SAMD12: variants seen among roughly 807,000 people sequenced by gnomAD.
SAMD12 encodes the protein sterile alpha motif domain-containing protein 12.
In SAMD12, 9 loss-of-function variants were observed where a neutral mutation model predicts 15.0. The ratio of observed to expected loss-of-function variants is 0.60; its 90% CI spans 0.36 to 1.05. The LOEUF (loss-of-function observed/expected upper bound fraction) is 1.05, where lower values mean the gene tolerates loss of function less well. Ranked by LOEUF, SAMD12 falls within the 50% of genes least tolerant of loss-of-function variation. The pLI is 0.01. For synonymous variants in SAMD12, 86 were observed against 90.1 expected (o/e 0.96, Z 0.25); for missense variants, 230 against 234.2 (o/e 0.98, Z 0.12).
chr8:118,209,185 C>A (rs1819949570), intron 4 of SAMD12, among the ~76,000 whole-genome samples: 1 of 151,996 alleles, frequency 6.6e-6, no homozygotes, highest in Admixed American at 6.6e-5. Context: ...GTCTGGAACA[C>A]AGAGGGAAAT....
intron 4 of SAMD12, among the ~76,000 whole-genome samples, chr8:118,344,870 G>A (rs1233444442): frequency 6.6e-6 from 1 of 152,124 alleles, no homozygotes. Context: ...AGATTATGAT[G>A]GAGCTGAAAT....
At chr8:118,523,243 T>A (rs1035360348) in intron 2 of SAMD12, among the ~76,000 whole-genome samples, 1 of 152,144 alleles carries the variant, frequency 6.6e-6, no homozygotes. Context: ...GGGCACTCCC[T>A]CAACCTCTTG....
At chr8:118,396,951 G>T (rs1286973377) in intron 3 of SAMD12, among the ~76,000 whole-genome samples, 1 of 152,150 alleles carries the variant, frequency 6.6e-6, no homozygotes, top group Non-Finnish European at 1.5e-5. Flanking sequence ...GACAGAAGTT[G>T]CCAAGGGTGA....
intron 2 of SAMD12, among the ~76,000 whole-genome samples, chr8:118,445,719 C>T (rs1822892819): frequency 6.6e-6 from 1 of 152,160 alleles, no homozygotes; most frequent in Non-Finnish European, 1.5e-5. Context: ...TCTTTAACCA[C>T]TGCTTTAATA....
chr8:118,164,797 C>T, the SAMD12 span, among the ~76,000 whole-genome samples: 2 of 150,730 alleles, frequency 1.3e-5, no homozygotes, highest in African/African-American at 2.4e-5. Flanking sequence ...ATATTAGAAC[C>T]GTTGTCTCTC....
At chr8:118,394,104 A>AC (rs1563824568) in intron 3 of SAMD12, among the ~76,000 whole-genome samples, 1 of 152,264 alleles carries the variant, frequency 6.6e-6, no homozygotes, top group African/African-American at 2.4e-5. Context: ...GACAATACAA[A>AC]CACACATCTA....
At chr8:118,427,941 A>G (rs943594244) in intron 3 of SAMD12, among the ~76,000 whole-genome samples, 2 of 152,188 alleles carry the variant, frequency 1.3e-5, no homozygotes, top group African/African-American at 4.8e-5. Context: ...AACACTGGGT[A>G]TGGCTTGGTA....
Position 118,230,186 on chromosome 8 carries a change from C to T in SAMD12, c.434-32454G>A, listed in dbSNP as rs190211747. On this transcript the variant is annotated intron_variant, in intron 4 of 4. Coordinates refer to the SAMD12 transcript ENST00000409003. ...GCTGTGGGCCAGGCACCATGCTAAGCGTTTCACTTGAAATTCTCCTCCAGT... is the reference window on the plus strand; with the variant it reads ...GCTGTGGGCCAGGCACCATGCTAAGTGTTTCACTTGAAATTCTCCTCCAGT... 1.7e-4 allele frequency among the ~76,000 whole-genome samples: 26 copies of T among 152,188 alleles called. No individual in the cohort carries two copies. The East Asian group carries it at 4.6e-3, about 27-fold the overall frequency.
intron 4 of SAMD12, among the ~76,000 whole-genome samples, chr8:118,240,205 T>C (rs955896179): frequency 6.6e-6 from 1 of 152,136 alleles, no homozygotes; most frequent in Non-Finnish European, 1.5e-5. Flanking sequence ...GCAAATATTC[T>C]AGCTCTGGTG....
the SAMD12 span, among the ~76,000 whole-genome samples, chr8:118,147,031 CT>C: frequency 4.7e-5 from 7 of 149,184 alleles, no homozygotes; most frequent in East Asian, 3.9e-4. Context: ...GAGGCAGGAA[CT>C]TTTTTTTTTT....
chr8:118,475,306 G>A lies in SAMD12; in HGVS notation c.193-35345C>T, dbSNP rs544556133. 1.5e-4 allele frequency among the ~76,000 whole-genome samples: 23 copies of A among 152,158 alleles called. No homozygotes were observed. In the East Asian group the frequency reaches 1.5e-3, roughly 10 times the overall value. On this transcript the variant is annotated intron_variant, in intron 2 of 3. Transcript: ENST00000314727. Reference sequence around the variant, plus strand: ...TCCCCTCTCTTGCTGTCTCTCTCACGATGTGATCTCTGCACACACTGCCTC... The same window carrying A: ...TCCCCTCTCTTGCTGTCTCTCTCACAATGTGATCTCTGCACACACTGCCTC...
chr8:118,311,530 T>C (rs1016931378), intron 4 of SAMD12, among the ~76,000 whole-genome samples: 2 of 152,164 alleles, frequency 1.3e-5, no homozygotes, highest in Admixed American at 1.3e-4. Context: ...CTCTGTAACA[T>C]ATAGTTATGC....
At chr8:118,302,609 T>C (rs1414267903) in intron 4 of SAMD12, among the ~76,000 whole-genome samples, 3 of 152,194 alleles carry the variant, frequency 2.0e-5, no homozygotes, top group Non-Finnish European at 2.9e-5. Flanking sequence ...TGGAGTTCAG[T>C]CCAGTAACGT....
chr8:118,599,324 A>T (rs1827797831), intron 1 of SAMD12, among the ~76,000 whole-genome samples: 1 of 152,322 alleles, frequency 6.6e-6, no homozygotes, highest in Admixed American at 6.5e-5. Flanking sequence ...TTTGTAAAAT[A>T]AAGGAGACAA....
chr8:118,181,388 C>T, the SAMD12 span, among the ~76,000 whole-genome samples: 7 of 152,258 alleles, frequency 4.6e-5, no homozygotes, highest in Admixed American at 6.5e-5. Flanking sequence ...TCCTTCTGAA[C>T]GCTGCTGCCA....
At chr8:118,483,034 C>A (rs1824172136) in intron 2 of SAMD12, among the ~76,000 whole-genome samples, 1 of 152,176 alleles carries the variant, frequency 6.6e-6, no homozygotes, top group Non-Finnish European at 1.5e-5. Context: ...TCTTTGCCAT[C>A]CATCTCAATC....
intron 2 of SAMD12, among the ~76,000 whole-genome samples, chr8:118,551,062 C>G (rs1455073500): frequency 1.3e-5 from 2 of 151,846 alleles, no homozygotes; most frequent in Non-Finnish European, 2.9e-5. Context: ...AGACTTAGAC[C>G]ACACATTAAT....
intron 4 of SAMD12, among the ~76,000 whole-genome samples, chr8:118,281,292 G>A (rs142682434): frequency 4.4e-4 from 67 of 152,302 alleles, no homozygotes; most frequent in African/African-American, 1.6e-3. Flanking sequence ...CCAGAACCCA[G>A]CGCTCTTTGA....
chr8:118,431,687 C>CGTGT (rs56898456), intron 3 of SAMD12, among the ~76,000 whole-genome samples: 7,497 of 146,914 alleles, frequency 0.051, 220 homozygotes, highest in East Asian at 0.15. Flanking sequence ...TTACCTTTGT[C>CGTGT]GTGTGTGTGT....
Sources: allele counts gnomAD v4.1 joint callset (sites outside exome capture counted in the v4.1 genomes callset), GRCh38; gene constraint gnomAD v4.1.1; transcripts MANE v1.5; gene names NCBI Gene and HGNC (gene_info 2026-07-23, HGNC 2026-07-21).